The following PTPRD variants were observed in gnomAD, a reference collection of about 807,000 sequenced individuals.
The protein encoded by PTPRD is protein tyrosine phosphatase receptor type D, also known as receptor-type tyrosine-protein phosphatase delta.
PTPRD carries 34 observed loss-of-function variants against 214.5 expected under a neutral mutation model. That is an observed-to-expected ratio of 0.16 (90% CI 0.12 to 0.21). PTPRD has a LOEUF of 0.21. Among genes scored for constraint, PTPRD ranks in the 10% least tolerant of loss-of-function variants. PTPRD has a pLI of 1.00. For synonymous variants in PTPRD, 1,128 were observed against 845.7 expected, an observed-to-expected ratio of 1.33 and a Z score of -5.79; for missense variants, 2,545 against 2,398.7, an observed-to-expected ratio of 1.06 and a Z score of -1.27.
rs183961851 is a variant in PTPRD at position 9,008,418 on chromosome 9, G to A, written c.-104+10279C>T. ...AATTTTTTGTATTTTTATTAGAGAC[G>A]GGGTTTCACCGTGTTAGCCAGGATG... On this transcript the variant is annotated intron_variant, in intron 11 of 45. Transcript: ENST00000381196. Among the ~76,000 whole-genome samples the A allele has an allele frequency of 3.8e-3, 576 of 151,556 alleles. 5 individuals are homozygous for A. Among genetic ancestry groups the A allele is most frequent in the African/African-American group, 0.014 (558 of 41,298 alleles).
At chr9:10,340,900 T>G (rs1426579670) in intron 3 of PTPRD, 63 bp downstream of exon 3, 1 of 151,968 alleles carries the variant, frequency 6.6e-6, no homozygotes, top group Non-Finnish European at 1.5e-5. Flanking sequence ...GAGAAGCTAT[T>G]ATTATGCAAT....
chr9:10,111,816 CA>C (rs1195229608), intron 3 of PTPRD, among the ~76,000 whole-genome samples: 1 of 152,224 alleles, frequency 6.6e-6, no homozygotes, highest in Non-Finnish European at 1.5e-5. Flanking sequence ...ATGGCAGACA[CA>C]TTTAGCCTCC....
At chr9:9,913,326 A>C (rs1441175476) in intron 5 of PTPRD, among the ~76,000 whole-genome samples, 3 of 152,188 alleles carry the variant, frequency 2.0e-5, no homozygotes, top group Non-Finnish European at 4.4e-5. Flanking sequence ...AGTATTTCCC[A>C]AAGTAAAAGA....
intron 10 of PTPRD, among the ~76,000 whole-genome samples, chr9:9,055,056 G>A (rs1364461690): frequency 6.6e-6 from 1 of 152,176 alleles, no homozygotes; most frequent in East Asian, 1.9e-4. Context: ...GCTGGTGACA[G>A]TAGATATTGG....
At chr9:8,832,161 T>C (rs2097307884) in intron 11 of PTPRD, among the ~76,000 whole-genome samples, 5 of 151,678 alleles carry the variant, frequency 3.3e-5, no homozygotes, top group Admixed American at 3.3e-4. Context: ...GTCTGATGAC[T>C]ACCAAGACAG....
At chr9:9,224,351 A>G (rs1242428157) in intron 9 of PTPRD, among the ~76,000 whole-genome samples, 2 of 151,988 alleles carry the variant, frequency 1.3e-5, no homozygotes, top group African/African-American at 2.4e-5. Flanking sequence ...AAAATTTTCA[A>G]TTTTAAATAG....
At chr9:9,179,714 T>C (rs73403444) in intron 10 of PTPRD, among the ~76,000 whole-genome samples, 3,527 of 152,148 alleles carry the variant, frequency 0.023, 140 homozygotes, top group African/African-American at 0.082. Flanking sequence ...CCTGATTCTT[T>C]TGCCATCTAG....
At position 9,373,208 on chromosome 9, in the gene PTPRD, C is replaced by G. The variant is rs186489786; in HGVS notation, c.-203+24241G>C. Among the ~76,000 whole-genome samples the G allele has an allele frequency of 4.4e-3, 670 of 152,172 alleles. 5 individuals are homozygous for G. The highest frequency in any genetic ancestry group is 7.7e-3 in the Non-Finnish European group (526 of 67,976). Reference sequence around the variant, plus strand: ...GACTTTCTCAGTTCAAATACCTGTTCTACCTCTTTTTAGGTGTGTAATCGT... The same window carrying G: ...GACTTTCTCAGTTCAAATACCTGTTGTACCTCTTTTTAGGTGTGTAATCGT... On this transcript the variant is annotated intron_variant, in intron 9 of 45. Coordinates refer to ENST00000381196, the MANE Select transcript of PTPRD (RefSeq NM_002839.4).
chr9:9,452,128 G>A (rs1006467875), intron 8 of PTPRD, among the ~76,000 whole-genome samples: 6 of 151,314 alleles, frequency 4.0e-5, no homozygotes, highest in African/African-American at 1.5e-4. Context: ...TAAAAAAGCT[G>A]AATGCCAAAA....
intron 2 of PTPRD, among the ~76,000 whole-genome samples, chr9:10,343,366 C>G (rs141628313): frequency 6.6e-6 from 1 of 152,136 alleles, no homozygotes; most frequent in Admixed American, 6.5e-5. Flanking sequence ...TTTTCTTAAT[C>G]CAGTCTGTCA....
intron 34 of PTPRD, among the ~76,000 whole-genome samples, chr9:8,441,110 C>T (rs1185425138): frequency 6.6e-6 from 1 of 152,176 alleles, no homozygotes; most frequent in Non-Finnish European, 1.5e-5. Flanking sequence ...ATATAGTCAA[C>T]ATTTTCACAC....
At chr9:9,539,012 G>A (rs753493565) in intron 8 of PTPRD, among the ~76,000 whole-genome samples, 12 of 151,792 alleles carry the variant, frequency 7.9e-5, no homozygotes, top group Non-Finnish European at 1.3e-4. Context: ...TTCCTGTTAT[G>A]GAGCTTAGGT....
intron 21 of PTPRD, 110 bp downstream of exon 21, chr9:8,517,738 C>A (rs1023219544): frequency 4.3e-6 from 4 of 933,514 alleles, no homozygotes; most frequent in Admixed American, 2.7e-5. Flanking sequence ...AGCCCTAAAT[C>A]TCAAAAATTA....
At chr9:8,438,924 A>T (rs1422621665) in intron 34 of PTPRD, 1 of 152,206 alleles carries the variant, frequency 6.6e-6, no homozygotes, top group Non-Finnish European at 1.5e-5. Flanking sequence ...TACTTGTGGC[A>T]TGCACTGGCA....
intron 7 of PTPRD, among the ~76,000 whole-genome samples, chr9:9,591,610 C>G (rs1433838238): frequency 6.6e-6 from 1 of 151,982 alleles, no homozygotes; most frequent in Non-Finnish European, 1.5e-5. Context: ...CACAAATAAG[C>G]CTTCAATAAA....
chr9:9,953,213 T>C lies in PTPRD; in HGVS notation c.-471-14603A>G, dbSNP rs182794219. Among the ~76,000 whole-genome samples the C allele has an allele frequency of 5.3e-5, 8 of 152,276 alleles. No homozygotes were observed. In the East Asian group the frequency reaches 1.2e-3, roughly 22 times the overall value. On this transcript the variant is annotated intron_variant, in intron 4 of 45. Coordinates refer to ENST00000381196, the MANE Select transcript of PTPRD (RefSeq NM_002839.4). ...TGGTTAACATTATCCTGGATATTTC[T>C]GCAGCAGTAATCAGTAAAATTTGTG...
intron 11 of PTPRD, chr9:8,859,807 G>GGT (rs1555444962): frequency 6.7e-6 from 1 of 150,156 alleles, no homozygotes; most frequent in Non-Finnish European, 1.5e-5. Context: ...AGCAATTTGG[G>GGT]GGTGGGGGAG....
intron 3 of PTPRD, among the ~76,000 whole-genome samples, chr9:10,336,033 T>C (rs1280627316): frequency 6.6e-6 from 1 of 151,766 alleles, no homozygotes; most frequent in African/African-American, 2.4e-5. Flanking sequence ...AGTTTGGCAG[T>C]TTCTTACAAA....
At chr9:9,381,273 T>A (rs1420274326) in intron 9 of PTPRD, among the ~76,000 whole-genome samples, 2 of 152,100 alleles carry the variant, frequency 1.3e-5, no homozygotes, top group Non-Finnish European at 2.9e-5. Flanking sequence ...CTCATTTGTG[T>A]CCTTCACTCT....
Sources: gnomAD v4.1 joint callset for allele counts (sites outside exome capture counted in the v4.1 genomes callset) on GRCh38, gnomAD v4.1.1 for gene constraint, MANE v1.5 for transcripts, NCBI Gene and HGNC (gene_info 2026-07-23, HGNC 2026-07-21) for gene names.